The following SVEP1 variants were observed in gnomAD, a reference collection of about 807,000 sequenced individuals.
SVEP1 encodes the protein sushi, von Willebrand factor type A, EGF and pentraxin domain containing 1, also known as sushi, von Willebrand factor type A, EGF and pentraxin domain-containing protein 1.
Under a neutral mutation model 367.3 loss-of-function variants are expected in SVEP1, and 164 were observed. The observed-to-expected ratio is 0.45, with a 90% CI of 0.39 to 0.51. The LOEUF (loss-of-function observed/expected upper bound fraction) is 0.51. Among genes scored for constraint, SVEP1 ranks in the 20% least tolerant of loss-of-function variants. SVEP1 has a pLI of 0.00. For synonymous variants in SVEP1, 1,666 were observed against 1,611.6 expected, an observed-to-expected ratio of 1.03 and a Z score of -0.81; for missense variants, 4,117 against 4,425.3, an observed-to-expected ratio of 0.93 and a Z score of 1.98.
chr9:110,381,146 GAAA>G (rs941836614), intron 43 of SVEP1, among the ~76,000 whole-genome samples: 14 of 151,560 alleles, frequency 9.2e-5, no homozygotes, highest in African/African-American at 3.2e-4. Flanking sequence ...ACTTTTTTCA[GAAA>G]AACAGCTCCT....
Position 110,411,623 on chromosome 9 carries a change from C to T in SVEP1, c.6088G>A (p.Ala2030Thr), listed in dbSNP as rs369665876. Residue 2030 changes from alanine to threonine, a missense_variant, in exon 37 of 48, where the codon GCC becomes ACC. By Grantham distance (58) the Ala-to-Thr change is moderately conservative. Around this residue, in one of 4 missense-constraint regions of SVEP1, gnomAD observed 2,174 missense variants for 2,494.3 expected, o/e 0.87. Transcript: ENST00000374469. ...SCDEPPIVDHASPETAHRLFG... is the reference protein window; with the variant it reads ...SCDEPPIVDHTSPETAHRLFG... Reference sequence around the variant, plus strand: ...AGCCGATGGGCAGTCTCTGGAGAGGCGTGGTCCACAATGGGTGGCTCATCA... The same window carrying T: ...AGCCGATGGGCAGTCTCTGGAGAGGTGTGGTCCACAATGGGTGGCTCATCA... 8.7e-6 allele frequency: 14 copies of T among 1,613,074 alleles called. No individual in the cohort carries two copies. Among genetic ancestry groups the T allele is most frequent in the East Asian group, 2.2e-5 (1 of 44,888 alleles).
chr9:110,448,779 T>G (rs562595983), intron 24 of SVEP1, among the ~76,000 whole-genome samples: 1 of 152,254 alleles, frequency 6.6e-6, no homozygotes, highest in South Asian at 2.1e-4. Context: ...TCTACAGTTA[T>G]GTACTATATG....
intron 36 of SVEP1, among the ~76,000 whole-genome samples, chr9:110,423,159 A>T (rs1211014865): frequency 7.8e-6 from 1 of 128,088 alleles, no homozygotes; most frequent in African/African-American, 3.2e-5. Flanking sequence ...AAAAAATAAA[A>T]AAATAAAGTA....
chr9:110,556,505 GT>G (rs1156347100), intron 1 of SVEP1, among the ~76,000 whole-genome samples: 2 of 152,082 alleles, frequency 1.3e-5, no homozygotes, highest in African/African-American at 4.8e-5. Context: ...GTTTTGTTCT[GT>G]TTTTTTGAGA....
intron 3 of SVEP1, among the ~76,000 whole-genome samples, chr9:110,534,262 A>C (rs1830054697): frequency 6.6e-6 from 1 of 152,106 alleles, no homozygotes; most frequent in African/African-American, 2.4e-5. Flanking sequence ...CCCACTTACA[A>C]GTAAGAACAT....
At chr9:110,528,154 GTGTATATATA>G (rs1160642552) in intron 3 of SVEP1, among the ~76,000 whole-genome samples, 12 of 25,706 alleles carry the variant, frequency 4.7e-4, no homozygotes, top group South Asian at 1.5e-3. Flanking sequence ...GTGTGTGTGT[GTGTATATATA>G]TATATATATA....
At position 110,407,727 on chromosome 9, in the gene SVEP1, T is replaced by C. The variant is rs187779116; in HGVS notation, c.7873A>G (p.Thr2625Ala). ...LPPHIDFGDC[T>A]KLKDDQGYFE... is the part of the protein sequence containing the mutation. ...TATCCCTGGTCATCTTTGAGTTTAG[T>C]ACAGTCTCCAAAATCTATATGAGGA... Residue 2625 changes from threonine (T) to alanine (A), a missense_variant, in exon 38 of 48, where the codon ACT becomes GCT. Thr to Ala is a moderately conservative substitution (Grantham distance 58). Around this residue, in one of 4 missense-constraint regions of SVEP1, gnomAD observed 1,765 missense variants for 1,781.1 expected, o/e 0.99. Coordinates refer to ENST00000374469, the MANE Select transcript of SVEP1 (RefSeq NM_153366.4). The C allele has an allele frequency of 3.8e-5, 61 of 1,614,020 alleles. No individual in the cohort carries two copies. The African/African-American group carries it at 7.5e-4, about 20-fold the overall frequency.
At chr9:110,409,278 T>G (rs1426176132) in intron 37 of SVEP1, among the ~76,000 whole-genome samples, 1 of 151,902 alleles carries the variant, frequency 6.6e-6, no homozygotes, top group African/African-American at 2.4e-5. Context: ...AAAAATTAGC[T>G]AGGCATGGTG....
Position 110,579,539 on chromosome 9 carries a change from C to A in SVEP1, c.5G>T (p.Trp2Leu). 1 of 1,596,676 alleles carries A rather than the reference C, an allele frequency of 6.3e-7. No homozygotes were observed. Among genetic ancestry groups the A allele is most frequent in the Non-Finnish European group, 8.5e-7 (1 of 1,173,412 alleles). M[W>L]PRLAFCCWGL... ...CCAGCAACAAAAGGCCAGGCGAGGCCACATCGCGCTGGAGACAGAGCGGCT... is the reference window on the plus strand; with the variant it reads ...CCAGCAACAAAAGGCCAGGCGAGGCAACATCGCGCTGGAGACAGAGCGGCT... Residue 2 changes from tryptophan to leucine, a missense_variant, in exon 1 of 48, where the codon TGG becomes TTG. Physicochemically the swap from Trp to Leu is moderately conservative, Grantham distance 61 (BLOSUM62 -2). Around this residue, in one of 4 missense-constraint regions of SVEP1, gnomAD observed 17 missense variants for 27.5 expected, o/e 0.62. Transcript: ENST00000374469. The surrounding 1 kb of genome is among the most constrained non-coding windows in gnomAD (Gnocchi z 5.3).
chr9:110,472,125 A>G (rs750617164), intron 15 of SVEP1, 34 bp downstream of exon 15: 3 of 1,583,750 alleles, frequency 1.9e-6, no homozygotes, highest in Non-Finnish European at 2.6e-6. Context: ...ATTTTCCATT[A>G]TATTGCTTTT....
chr9:110,569,712 C>T (rs1464959544), intron 1 of SVEP1, among the ~76,000 whole-genome samples: 1 of 152,106 alleles, frequency 6.6e-6, no homozygotes, highest in Non-Finnish European at 1.5e-5. Flanking sequence ...TAATTAGTTT[C>T]AAATTACATT....
chr9:110,434,279 T>C, intron 30 of SVEP1, 57 bp downstream of exon 30: 1 of 1,520,188 alleles, frequency 6.6e-7, no homozygotes, highest in Non-Finnish European at 8.9e-7. Context: ...CTGAAAAGAG[T>C]TATGTTTTCA....
intron 5 of SVEP1, among the ~76,000 whole-genome samples, chr9:110,511,999 C>T (rs1829726334): frequency 6.6e-6 from 1 of 152,110 alleles, no homozygotes; most frequent in African/African-American, 2.4e-5. Flanking sequence ...ACCAATGAAC[C>T]AGCACGCCCA....
At chr9:110,440,277 T>C (rs1427509713) in intron 27 of SVEP1, among the ~76,000 whole-genome samples, 1 of 152,192 alleles carries the variant, frequency 6.6e-6, no homozygotes, top group Non-Finnish European at 1.5e-5. Context: ...TACACTATGC[T>C]ACTACTTTGG....
chr9:110,561,833 T>C (rs567817532), intron 1 of SVEP1, among the ~76,000 whole-genome samples: 1 of 152,308 alleles, frequency 6.6e-6, no homozygotes, highest in East Asian at 1.9e-4. Context: ...GTTAGTATGC[T>C]TCATTTATTT....
intron 2 of SVEP1, among the ~76,000 whole-genome samples, chr9:110,548,397 T>C (rs985817196): frequency 1.3e-5 from 2 of 152,198 alleles, no homozygotes; most frequent in South Asian, 2.1e-4. Flanking sequence ...TATTGAGTGC[T>C]GAGTATAACA....
intron 43 of SVEP1, among the ~76,000 whole-genome samples, chr9:110,381,862 T>C (rs904246877): frequency 6.7e-6 from 1 of 149,630 alleles, no homozygotes; most frequent in African/African-American, 2.6e-5. Flanking sequence ...TTTATGAATT[T>C]GGGTGCTCCT....
intron 3 of SVEP1, among the ~76,000 whole-genome samples, chr9:110,528,156 G>GTGTGTGTATATATATATATATA: frequency 5.6e-4 from 19 of 33,938 alleles, no homozygotes; most frequent in Non-Finnish European, 9.1e-4. Context: ...GTGTGTGTGT[G>GTGTGTGTATATATATATATATA]TATATATATA....
intron 16 of SVEP1, among the ~76,000 whole-genome samples, chr9:110,469,666 A>AAC (rs1350190725): frequency 6.6e-6 from 1 of 152,216 alleles, no homozygotes; most frequent in East Asian, 1.9e-4. Flanking sequence ...TGGGGAAGAC[A>AAC]CTTGAGATTA....
Sources: allele counts gnomAD v4.1 joint callset (sites outside exome capture counted in the v4.1 genomes callset), GRCh38; gene constraint gnomAD v4.1.1; regional missense constraint gnomAD v4.1.1; non-coding constraint Gnocchi (gnomAD v3.1); transcripts MANE v1.5; gene names NCBI Gene and HGNC (gene_info 2026-07-23, HGNC 2026-07-21).